Variants in GATAD1 observed in about 807,000 individuals in gnomAD.
The protein encoded by GATAD1 is GATA zinc finger domain-containing protein 1.
Under a neutral mutation model 26.5 loss-of-function variants are expected in GATAD1, and 12 were observed. The ratio of observed to expected loss-of-function variants is 0.45; its 90% CI spans 0.29 to 0.73. The LOEUF is 0.73. GATAD1 is among the 30% of genes least tolerant of loss of function. GATAD1 has a pLI of 0.10. For synonymous variants in GATAD1, 129 were observed against 133.1 expected (o/e 0.97, Z 0.21); for missense variants, 266 against 342.1 (o/e 0.78, Z 1.75).
chr7:92,461,751 G>A (rs1789929205), downstream of GATAD1, among the ~76,000 whole-genome samples: 1 of 152,116 alleles, frequency 6.6e-6, no homozygotes, highest in Non-Finnish European at 1.5e-5. Flanking sequence ...TCCTCTCTGT[G>A]GGCCTCCACA....
At position 92,448,080 on chromosome 7, in the gene GATAD1, C is replaced by T. The variant is rs571154820; in HGVS notation, c.249+102C>T. 359 of 876,382 alleles carry T rather than the reference C, an allele frequency of 4.1e-4. No individual in the cohort carries two copies. The African/African-American group carries it at 5.4e-3, about 13-fold the overall frequency. The allele number at this position is 876,382 out of a possible 1,614,324, so 54.3% of individuals were successfully genotyped here. A position where few individuals can be genotyped will look rare whatever the true frequency, so the allele number is the denominator to read the frequency against. On this transcript the variant is annotated intron_variant, in intron 1 of 4. Coordinates refer to ENST00000287957, the MANE Select transcript of GATAD1 (RefSeq NM_021167.5). ...GGCGGGCGCGGGCTTCCCCGATCGC[C>T]GTGCTCCTGCTGGCTGGAACGCCCC...
chr7:92,463,059 T>C (rs1315485674), downstream of GATAD1: 2 of 152,132 alleles, frequency 1.3e-5, no homozygotes, highest in African/African-American at 4.8e-5. Context: ...TATTCAGCCG[T>C]AGAAGGAATG....
In GATAD1 at chr7:92,457,752, T is replaced by G. The variant is rs1322323235; in HGVS notation, c.*1190T>G. Reference sequence around the variant, plus strand: ...TCATAAAGCCACACAAGCCTTATGTTCTCATCTCAAAAATGCTGTGACAGC... The same window carrying G: ...TCATAAAGCCACACAAGCCTTATGTGCTCATCTCAAAAATGCTGTGACAGC... On this transcript the variant is annotated 3_prime_UTR_variant, in exon 5 of 5. Coordinates refer to ENST00000287957, the MANE Select transcript of GATAD1 (RefSeq NM_021167.5). 6.6e-6 allele frequency: 1 copy of G among 152,260 alleles called. No individual in the cohort carries two copies. The highest frequency in any genetic ancestry group is 1.9e-4 in the East Asian group (1 of 5,206). The allele number at this position is 152,260 out of a possible 1,614,324, so 9.4% of individuals were successfully genotyped here.
the GATAD1 span, chr7:92,469,683 T>A: frequency 2.6e-6 from 2 of 764,286 alleles, no homozygotes; most frequent in Non-Finnish European, 4.8e-6. Context: ...AGGTGAGGTT[T>A]GAGGTATGGG....
At chr7:92,495,374 T>C in the GATAD1 span, among the ~76,000 whole-genome samples, 1 of 152,142 alleles carries the variant, frequency 6.6e-6, no homozygotes, top group Admixed American at 6.6e-5. Flanking sequence ...ATATATCTTC[T>C]GGGGCCAAAA....
chr7:92,448,978 G>A, intron 2 of GATAD1, 101 bp downstream of exon 2: 1 of 1,284,044 alleles, frequency 7.8e-7, no homozygotes, highest in Admixed American at 1.8e-5. Context: ...GCCCTTGGTA[G>A]CCCTTCCTTA....
chr7:92,489,957 G>C, the GATAD1 span: 7 of 1,410,204 alleles, frequency 5.0e-6, no homozygotes, highest in African/African-American at 1.4e-5. Context: ...AAGAGGGGGA[G>C]AGAAAAAACT....
chr7:92,470,938 TTTCA>T, the GATAD1 span: 1 of 167,378 alleles, frequency 6.0e-6, no homozygotes. Flanking sequence ...CCTTTGAGTG[TTTCA>T]TTCATTTTCT....
chr7:92,484,851 G>A, the GATAD1 span, among the ~76,000 whole-genome samples: 3 of 152,128 alleles, frequency 2.0e-5, no homozygotes, highest in Admixed American at 1.3e-4. Context: ...TGTCATGAGC[G>A]TCCGTGTGAA....
chr7:92,481,755 A>T, the GATAD1 span, among the ~76,000 whole-genome samples: 1 of 152,210 alleles, frequency 6.6e-6, no homozygotes, highest in Admixed American at 6.5e-5. Flanking sequence ...GTGAGTTTAT[A>T]TAATGATTTT....
At chr7:92,485,452 C>T in the GATAD1 span, among the ~76,000 whole-genome samples, 1 of 152,218 alleles carries the variant, frequency 6.6e-6, no homozygotes, top group African/African-American at 2.4e-5. Context: ...ACAATATAGT[C>T]ATGGCCCCTG....
At chr7:92,455,323 T>C (rs1789625249) in intron 4 of GATAD1, among the ~76,000 whole-genome samples, 1 of 152,200 alleles carries the variant, frequency 6.6e-6, no homozygotes, top group Non-Finnish European at 1.5e-5. Flanking sequence ...ACTACAAGAA[T>C]GTATTGCTCA....
the GATAD1 span, among the ~76,000 whole-genome samples, chr7:92,482,584 G>A: frequency 5.9e-5 from 9 of 152,078 alleles, no homozygotes; most frequent in African/African-American, 7.2e-5. Context: ...AGTAATGGGC[G>A]TGTGATCGGT....
rs976639416 is a variant in GATAD1, at chr7:92,454,655, G to T, written c.589G>T (p.Asp197Tyr). The T allele has an allele frequency of 1.2e-6, 2 of 1,601,236 alleles. No individual in the cohort carries two copies. ...WLIPTLSSPR[D>Y]QFDPASYIIG... ...CATTCCTACCCTCTCTAGCCCCAGA[G>T]ACCAATTTGATCCCGCCTCCTATAT... The change falls in exon 4 of 5, where the codon GAC becomes TAC. Residue 197 changes from aspartate (D) to tyrosine (Y), a missense_variant. Coordinates refer to ENST00000287957, the MANE Select transcript of GATAD1 (RefSeq NM_021167.5).
Position 92,447,531 on chromosome 7 carries a change from C to G in GATAD1, c.-199C>G. On this transcript the variant is annotated 5_prime_UTR_variant, in exon 1 of 5. Transcript: ENST00000287957. ...CCTCGGGCCAGGGAATCCTGGCCTC[C>G]GCCTGCGGAGCCGGCGGAACCCGCT... The G allele has an allele frequency of 1.8e-6, 1 of 544,402 alleles. No homozygotes were observed. The highest frequency in any genetic ancestry group is 2.8e-6 in the Non-Finnish European group (1 of 359,704). 33.7% of individuals were successfully genotyped at this position (544,402 alleles called of 1,614,324 possible). A position where few individuals can be genotyped will look rare whatever the true frequency, so the allele number is the denominator to read the frequency against.
At chr7:92,452,722 C>G (rs1789490811) in intron 3 of GATAD1, among the ~76,000 whole-genome samples, 1 of 152,178 alleles carries the variant, frequency 6.6e-6, no homozygotes, top group Non-Finnish European at 1.5e-5. Context: ...TAATAAATAC[C>G]TACTATGTGC....
At chr7:92,482,703 T>G in the GATAD1 span, among the ~76,000 whole-genome samples, 1 of 152,096 alleles carries the variant, frequency 6.6e-6, no homozygotes, top group Non-Finnish European at 1.5e-5. Context: ...CAAGGAGATG[T>G]GGCTGTAGCC....
the GATAD1 span, chr7:92,473,262 A>G: frequency 6.6e-6 from 1 of 152,164 alleles, no homozygotes; most frequent in Non-Finnish European, 1.5e-5. Context: ...GAGATCTTGC[A>G]CTAACCTCCA....
chr7:92,485,512 G>C, the GATAD1 span, among the ~76,000 whole-genome samples: 1 of 152,152 alleles, frequency 6.6e-6, no homozygotes. Flanking sequence ...CCAGAGAAAA[G>C]GCCCTGTCAT....
Sources: gnomAD v4.1 joint callset for allele counts (sites outside exome capture counted in the v4.1 genomes callset) on GRCh38, gnomAD v4.1.1 for gene constraint, MANE v1.5 for transcripts, NCBI Gene and HGNC (gene_info 2026-07-23, HGNC 2026-07-21) for gene names.